Variants in BMAL1 observed in about 807,000 individuals in gnomAD.
BMAL1 encodes the protein basic helix-loop-helix ARNT like 1.
the BMAL1 span, chr11:13,376,808 G>A: frequency 7.4e-7 from 1 of 1,347,804 alleles, no homozygotes; most frequent in African/African-American, 1.4e-5. Context: ...AAAGTATTCA[G>A]GGTCCCCTCC....
At chr11:13,286,418 C>G in the BMAL1 span, among the ~76,000 whole-genome samples, 4 of 152,202 alleles carry the variant, frequency 2.6e-5, no homozygotes, top group Non-Finnish European at 5.9e-5. Context: ...GGGCTCCAGA[C>G]TGGGCCCAGC....
chr11:13,367,706 G>GAA, the BMAL1 span, among the ~76,000 whole-genome samples: 301 of 86,104 alleles, frequency 3.5e-3, 4 homozygotes, highest in East Asian at 9.9e-3. Flanking sequence ...CTCTGTCTCA[G>GAA]AAAAAAAAAA....
At chr11:13,291,256 A>G in the BMAL1 span, among the ~76,000 whole-genome samples, 1 of 152,222 alleles carries the variant, frequency 6.6e-6, no homozygotes, top group Non-Finnish European at 1.5e-5. Context: ...TTTACATACA[A>G]TGTCTTGTTT....
At chr11:13,371,328 CA>C in the BMAL1 span, among the ~76,000 whole-genome samples, 1 of 151,492 alleles carries the variant, frequency 6.6e-6, no homozygotes, top group Middle Eastern at 3.4e-3. Context: ...CCACCCAATC[CA>C]GAAAAGTTAG....
At chr11:13,373,192 A>G in the BMAL1 span, among the ~76,000 whole-genome samples, 1 of 152,192 alleles carries the variant, frequency 6.6e-6, no homozygotes, top group African/African-American at 2.4e-5. Context: ...TATTTTATGG[A>G]TGAAGAACAG....
chr11:13,345,079 A>G, the BMAL1 span, among the ~76,000 whole-genome samples: 1 of 151,990 alleles, frequency 6.6e-6, no homozygotes, highest in African/African-American at 2.4e-5. Flanking sequence ...TGTTGTCCCT[A>G]TTTTCCTAAG....
the BMAL1 span, among the ~76,000 whole-genome samples, chr11:13,281,471 C>T: frequency 5.9e-5 from 9 of 152,290 alleles, no homozygotes; most frequent in South Asian, 1.9e-3. Flanking sequence ...TCCTGGGGCC[C>T]ATCTGCCCAT....
chr11:13,385,470 C>T, the BMAL1 span, among the ~76,000 whole-genome samples: 2 of 152,136 alleles, frequency 1.3e-5, no homozygotes, highest in African/African-American at 4.8e-5. Context: ...CTTTAAGTTG[C>T]CTCTGTGGGC....
chr11:13,344,131 G>A, the BMAL1 span, among the ~76,000 whole-genome samples: 3 of 152,080 alleles, frequency 2.0e-5, no homozygotes, highest in Non-Finnish European at 2.9e-5. Flanking sequence ...AGGCCACCCG[G>A]CAAACCCCTG....
chr11:13,332,640 A>G, the BMAL1 span, among the ~76,000 whole-genome samples: 1 of 152,216 alleles, frequency 6.6e-6, no homozygotes, highest in South Asian at 2.1e-4. Flanking sequence ...GCTCTGAACC[A>G]ATTTTCAAAA....
chr11:13,280,847 A>C, the BMAL1 span, among the ~76,000 whole-genome samples: 146,499 of 152,276 alleles, frequency 0.96, 70,507 homozygotes, highest in East Asian at 1. Flanking sequence ...TCGTCCCCTC[A>C]TCTCCTCCCA....
chr11:13,323,038 C>G, the BMAL1 span, among the ~76,000 whole-genome samples: 1 of 151,592 alleles, frequency 6.6e-6, no homozygotes, highest in East Asian at 1.9e-4. Flanking sequence ...CTCCAGTGAT[C>G]CTCCCACCTT....
At chr11:13,334,035 G>GCA in the BMAL1 span, among the ~76,000 whole-genome samples, 1 of 152,154 alleles carries the variant, frequency 6.6e-6, no homozygotes, top group East Asian at 1.9e-4. Flanking sequence ...CATGGGCCAG[G>GCA]CACTGTTCTA....
At chr11:13,311,979 G>A in the BMAL1 span, among the ~76,000 whole-genome samples, 1 of 152,180 alleles carries the variant, frequency 6.6e-6, no homozygotes, top group Non-Finnish European at 1.5e-5. Context: ...CTCCAGTCAT[G>A]ATTTAATTAT....
At chr11:13,283,023 A>C in the BMAL1 span, among the ~76,000 whole-genome samples, 1 of 152,256 alleles carries the variant, frequency 6.6e-6, no homozygotes. Context: ...TGGGGACTTA[A>C]CCTCAGGGGG....
At chr11:13,318,544 GTTTTTTTTTTT>G in the BMAL1 span, among the ~76,000 whole-genome samples, 1 of 49,320 alleles carries the variant, frequency 2.0e-5, no homozygotes, top group African/African-American at 7.3e-5. Context: ...AAGACACTTA[GTTTTTTTTTTT>G]TTTTTTTTTT....
the BMAL1 span, chr11:13,381,152 T>C: frequency 6.2e-7 from 1 of 1,613,766 alleles, no homozygotes; most frequent in Non-Finnish European, 8.5e-7. Flanking sequence ...TAATTCTCTT[T>C]TCTGACAGGA....
At chr11:13,371,698 C>CA in the BMAL1 span, among the ~76,000 whole-genome samples, 368 of 152,324 alleles carry the variant, frequency 2.4e-3, 1 homozygote, top group Non-Finnish European at 3.0e-3. Context: ...AATCTTCCTC[C>CA]AACCTGCCTT....
At chr11:13,284,266 ATTT>A in the BMAL1 span, among the ~76,000 whole-genome samples, 3,180 of 44,856 alleles carry the variant, frequency 0.071, 538 homozygotes, top group African/African-American at 0.24. Flanking sequence ...ATATATATAT[ATTT>A]TTTTTTTTAA....
Sources: gnomAD v4.1 joint callset for allele counts (sites outside exome capture counted in the v4.1 genomes callset) on GRCh38, gnomAD v4.1.1 for gene constraint, MANE v1.5 for transcripts, NCBI Gene and HGNC (gene_info 2026-07-23, HGNC 2026-07-21) for gene names.